Variants in STYXL2 observed in about 807,000 individuals in gnomAD.
The protein encoded by STYXL2 is serine/threonine/tyrosine interacting like 2.
Under a neutral mutation model 52.4 loss-of-function variants are expected in STYXL2, and 44 were observed. The ratio of observed to expected loss-of-function variants is 0.84; its 90% CI spans 0.66 to 1.08. The LOEUF is 1.08. STYXL2 is among the 50% of genes least tolerant of loss of function. The pLI is 0.00. For missense variants in STYXL2, 1,604 were observed against 1,471.7 expected, an observed-to-expected ratio of 1.09 and a Z score of -1.47; for synonymous variants, 604 against 586.9, an observed-to-expected ratio of 1.03 and a Z score of -0.42.
intron 2 of STYXL2, among the ~76,000 whole-genome samples, chr1:167,101,951 G>C (rs1183694143): frequency 6.6e-5 from 10 of 152,002 alleles, no homozygotes; most frequent in Non-Finnish European, 1.5e-5. Context: ...TTACACATAG[G>C]AATACTATAC....
At chr1:167,100,465 C>A (rs1425230708) in intron 2 of STYXL2, among the ~76,000 whole-genome samples, 4 of 152,134 alleles carry the variant, frequency 2.6e-5, no homozygotes, top group Non-Finnish European at 5.9e-5. Flanking sequence ...CACAAAGGGG[C>A]AGGGGTGAAG....
In STYXL2 at chr1:167,126,550, G is replaced by A. The variant is rs768855965; in HGVS notation, c.1419G>A (p.Ser473=). The change falls in exon 6 of 6, where the codon TCG becomes TCA. Residue 473 remains serine (S), a synonymous_variant. Transcript: ENST00000361200. The part of the protein sequence containing the change: ...GRRRRADSMS[S]ESTWDAWNER... ...GGCGCCGCGCAGACTCGATGTCCTC[G>A]GAGAGCACCTGGGACGCATGGAACG... 4 of 1,613,700 alleles carry A rather than the reference G, an allele frequency of 2.5e-6. No individual in the cohort carries two copies. The highest frequency in any genetic ancestry group is 4.5e-5 in the East Asian group (2 of 44,814).
chr1:167,122,030 C>T (rs1306153414), intron 5 of STYXL2, among the ~76,000 whole-genome samples: 1 of 152,060 alleles, frequency 6.6e-6, no homozygotes, highest in Non-Finnish European at 1.5e-5. Flanking sequence ...AAACACCTGG[C>T]GCCGGCGTTT....
intron 2 of STYXL2, among the ~76,000 whole-genome samples, chr1:167,111,480 AT>A: frequency 1.7e-5 from 1 of 59,368 alleles, no homozygotes; most frequent in Admixed American, 1.5e-4. Flanking sequence ...ATATATATAT[AT>A]ATATATATAT....
Position 167,126,564 on chromosome 1 carries a change from A to AG in STYXL2, c.1433_1434insG (p.Asp478GlufsTer11). 1 of 1,613,962 alleles carries AG rather than the reference A, an allele frequency of 6.2e-7. No individual in the cohort carries two copies. Among genetic ancestry groups the AG allele is most frequent in the Non-Finnish European group, 8.5e-7 (1 of 1,179,964 alleles). ...TCGATGTCCTCGGAGAGCACCTGGGACGCATGGAACGAGAGGCTGCTGGAG... is the reference window on the plus strand; with the variant it reads ...TCGATGTCCTCGGAGAGCACCTGGGAGCGCATGGAACGAGAGGCTGCTGGAG... On this transcript the variant is annotated frameshift_variant, in exon 6 of 6. Coordinates refer to ENST00000361200, the MANE Select transcript of STYXL2 (RefSeq NM_001080426.3). LOFTEE classifies it low-confidence loss of function (END_TRUNC).
rs747964555 is a variant in STYXL2 at position 167,113,742 on chromosome 1, G to A, written c.143G>A (p.Ser48Asn). The part of the protein sequence containing the change: ...YSMVSDAETE[S>N]IFMEPIHLSS... ...ATGGTCTCAGATGCAGAAACAGAAA[G>A]CATTTTCATGGAACCCATTCACCTC... Residue 48 changes from serine (S) to asparagine (N), a missense_variant, in exon 3 of 6, where the codon AGC becomes AAC. Coordinates refer to ENST00000361200, the MANE Select transcript of STYXL2 (RefSeq NM_001080426.3). 6.4e-5 allele frequency: 104 copies of A among 1,613,892 alleles called. No individual in the cohort carries two copies. Among genetic ancestry groups the A allele is most frequent in the Middle Eastern group, 3.3e-4 (2 of 6,084 alleles).
At chr1:167,120,724 C>T (rs1290417771) in intron 5 of STYXL2, among the ~76,000 whole-genome samples, 1 of 151,520 alleles carries the variant, frequency 6.6e-6, no homozygotes, top group Non-Finnish European at 1.5e-5. Context: ...TCAAGCGATC[C>T]TCCCACCTCG....
rs1212028713 is a variant in STYXL2 at position 167,127,132 on chromosome 1, C to G, written c.2001C>G (p.Pro667=). 5 of 1,613,946 alleles carry G rather than the reference C, an allele frequency of 3.1e-6. No individual in the cohort carries two copies. The East Asian group carries it at 1.1e-4, about 36-fold the overall frequency. ...TGTCTGCGTTCTGGTCTGCAGACCCCTCAGTCAGCGCTGATGGGGACACGA... is the reference window on the plus strand; with the variant it reads ...TGTCTGCGTTCTGGTCTGCAGACCCGTCAGTCAGCGCTGATGGGGACACGA... ...IPLSAFWSAD[P]SVSADGDTTS... The change falls in exon 6 of 6, where the codon CCC becomes CCG. Residue 667 remains proline (P), a synonymous_variant. Transcript: ENST00000361200.
chr1:167,117,035 C>T (rs1381356716), intron 3 of STYXL2, among the ~76,000 whole-genome samples: 1 of 152,186 alleles, frequency 6.6e-6, no homozygotes, highest in Non-Finnish European at 1.5e-5. Flanking sequence ...ACTTAAGGAA[C>T]TTGGTCTAAA....
In STYXL2 at chr1:167,126,499, G is replaced by A. The variant is rs769377705; in HGVS notation, c.1368G>A (p.Glu456=). Residue 456 remains glutamate, a synonymous_variant, in exon 6 of 6, where the codon GAG becomes GAA. Transcript: ENST00000361200. The part of the protein sequence containing the change: ...HDIWVLKQQL[E]LNRPDHGRRR... ...TCTGGGTCCTGAAGCAGCAGCTGGA[G>A]CTGAACCGCCCGGACCACGGCAGGA... The A allele has an allele frequency of 3.7e-6, 6 of 1,610,664 alleles. No individual in the cohort carries two copies. The highest frequency in any genetic ancestry group is 2.2e-5 in the East Asian group (1 of 44,728).
chr1:167,111,513 TACACACACACACAC>T (rs767623370), intron 2 of STYXL2, among the ~76,000 whole-genome samples: 5 of 50,120 alleles, frequency 1.0e-4, no homozygotes, highest in Non-Finnish European at 1.3e-4. Flanking sequence ...TATATATATA[TACACACACACACAC>T]ACAAATATAT....
chr1:167,107,168 T>C (rs1319132113), intron 2 of STYXL2, among the ~76,000 whole-genome samples: 3 of 152,152 alleles, frequency 2.0e-5, no homozygotes, highest in Non-Finnish European at 4.4e-5. Flanking sequence ...CTTGGTGTTC[T>C]GGGGGTAGTC....
At position 167,120,829 on chromosome 1, in the gene STYXL2, CATATATAT is replaced by C. The variant is rs71587032; in HGVS notation, c.655+1413_655+1420del. Reference sequence around the variant, plus strand: ...TATATGTATGTGTGCGTGTAAATTACATATATATATATATATATATATATATATATATA... The same window carrying C: ...TATATGTATGTGTGCGTGTAAATTACATATATATATATATATATATATATA... On this transcript the variant is annotated intron_variant, in intron 5 of 5. Transcript: ENST00000361200. 3.0e-3 allele frequency among the ~76,000 whole-genome samples: 345 copies of C among 114,900 alleles called. 3 individuals are homozygous for C. Among genetic ancestry groups the C allele is most frequent in the Middle Eastern group, 9.4e-3 (2 of 212 alleles). The allele number at this position is 114,900 out of a possible 152,430, so 75.4% of individuals were successfully genotyped here.
At chr1:167,111,501 TATATATATATATACACAC>T (rs1365788732) in intron 2 of STYXL2, among the ~76,000 whole-genome samples, 69 of 48,100 alleles carry the variant, frequency 1.4e-3, no homozygotes, top group African/African-American at 8.9e-3. Context: ...TATATATATA[TATATATATATATACACAC>T]ACACACACAC....
chr1:167,128,947 C>T lies in STYXL2; in HGVS notation c.*339C>T, dbSNP rs185198806. On this transcript the variant is annotated 3_prime_UTR_variant, in exon 6 of 6. Transcript: ENST00000361200. Reference sequence around the variant, plus strand: ...AGCTTGGAAAAGCACTGTAGTTTGTCAGAGACTCCAGTTTACATCCAGAAA... The same window carrying T: ...AGCTTGGAAAAGCACTGTAGTTTGTTAGAGACTCCAGTTTACATCCAGAAA... 27 of 232,890 alleles carry T rather than the reference C, an allele frequency of 1.2e-4. No homozygotes were observed. Among genetic ancestry groups the T allele is most frequent in the Admixed American group, 3.6e-4 (7 of 19,488 alleles). The allele number at this position is 232,890 out of a possible 1,614,324, so 14.4% of individuals were successfully genotyped here.
At chr1:167,111,656 A>G (rs2102233520) in intron 2 of STYXL2, among the ~76,000 whole-genome samples, 1 of 151,924 alleles carries the variant, frequency 6.6e-6, no homozygotes, top group South Asian at 2.1e-4. Context: ...TGGAAAACCA[A>G]ACATTGTATG....
intron 2 of STYXL2, among the ~76,000 whole-genome samples, chr1:167,106,852 G>A (rs1169616990): frequency 1.3e-5 from 2 of 152,182 alleles, no homozygotes; most frequent in Non-Finnish European, 2.9e-5. Context: ...TCACTACTGA[G>A]GAGAAGAGTG....
chr1:167,126,930 T>C lies in STYXL2; in HGVS notation c.1799T>C (p.Val600Ala). The change falls in exon 6 of 6, where the codon GTG becomes GCG. Residue 600 changes from valine to alanine, a missense_variant. By Grantham distance (64) the Val-to-Ala change is moderately conservative. Transcript: ENST00000361200. ...QAWKLKHQKKVGSENKEEVVE... is the reference protein window; with the variant it reads ...QAWKLKHQKKAGSENKEEVVE... ...TGGAAGCTGAAACACCAGAAGAAGG[T>C]GGGCAGTGAGAACAAGGAGGAGGTG... 2 of 1,611,206 alleles carry C rather than the reference T, an allele frequency of 1.2e-6. No individual in the cohort carries two copies. Among genetic ancestry groups the C allele is most frequent in the Middle Eastern group, 1.7e-4 (1 of 6,044 alleles).
In STYXL2 at chr1:167,127,204, T is replaced by A; in HGVS notation, c.2073T>A (p.Ala691=). 6.2e-7 allele frequency: 1 copy of A among 1,614,138 alleles called. No homozygotes were observed. The highest frequency in any genetic ancestry group is 8.5e-7 in the Non-Finnish European group (1 of 1,179,976). ...TQSHRSHLSQ[A]ASNIAGCSTS... is the part of the protein sequence containing the mutation. ...GCCACCGCTCCCACCTGTCTCAGGC[T>A]GCAAGCAACATAGCGGGGTGTTCAA... The change falls in exon 6 of 6, where the codon GCT becomes GCA. Residue 691 remains alanine, a synonymous_variant. Transcript: ENST00000361200.
Sources: allele counts gnomAD v4.1 joint callset (sites outside exome capture counted in the v4.1 genomes callset), GRCh38; gene constraint gnomAD v4.1.1; transcripts MANE v1.5; gene names NCBI Gene and HGNC (gene_info 2026-07-23, HGNC 2026-07-21).